The following GNAS-AS1 variants were observed in gnomAD, a reference collection of about 807,000 sequenced individuals.
GNAS-AS1 encodes GNAS antisense RNA 1 (non-protein coding).
At chr20:58,838,916 C>CA (rs766172876) in intron 4 of GNAS-AS1, 44,089 of 242,730 alleles carry the variant, frequency 0.18, 1,385 homozygotes, top group Non-Finnish European at 0.19. Context: ...GATTCTGTCT[C>CA]AAAAAAAAAA....
intron 4 of GNAS-AS1, among the ~76,000 whole-genome samples, chr20:58,830,321 TCATCATCACCACCAC>T (rs2085550074): frequency 1.1e-4 from 2 of 18,930 alleles, no homozygotes; most frequent in African/African-American, 2.2e-4. Flanking sequence ...CACCACACCA[TCATCATCACCACCAC>T]CATCACCACC....
At position 58,840,364 on chromosome 20, in the gene GNAS-AS1, C is replaced by G. The variant is rs375054629; in HGVS notation, n.819+1573G>C. 4.3e-6 allele frequency: 7 copies of G among 1,613,206 alleles called. No homozygotes were observed. Among genetic ancestry groups the G allele is most frequent in the Non-Finnish European group, 5.9e-6 (7 of 1,180,024 alleles). On this transcript the variant is annotated intron_variant and non_coding_transcript_variant, in intron 4 of 4. Transcript: ENST00000424094. The surrounding 1 kb of genome is among the most constrained non-coding windows in gnomAD (Gnocchi z 6.0). ...AGTCCCCCGAATCGGAATCTGACCACGAGCACGAGGAGGCAGACCTTGAGC... is the reference window on the plus strand; with the variant it reads ...AGTCCCCCGAATCGGAATCTGACCAGGAGCACGAGGAGGCAGACCTTGAGC...
rs745868121 is a variant in GNAS-AS1, at chr20:58,840,649, C to T, written n.819+1288G>A. On this transcript the variant is annotated intron_variant and non_coding_transcript_variant, in intron 4 of 4. Coordinates refer to ENST00000424094, the Ensembl canonical transcript of GNAS-AS1. This position sits in a 1 kb window ranked among gnomAD's most constrained non-coding sequence, Gnocchi z 6.0. Reference sequence around the variant, plus strand: ...CCTCCCCAAGTCGCGCGCCGCCCAGCACTCAGGAGCCCCAGAGCCCCAGGG... The same window carrying T: ...CCTCCCCAAGTCGCGCGCCGCCCAGTACTCAGGAGCCCCAGAGCCCCAGGG... 1 of 1,606,406 alleles carries T rather than the reference C, an allele frequency of 6.2e-7. No homozygotes were observed.
intron 4 of GNAS-AS1, among the ~76,000 whole-genome samples, chr20:58,837,506 G>A (rs141885289): frequency 2.6e-5 from 4 of 152,342 alleles, no homozygotes; most frequent in African/African-American, 4.8e-5. Flanking sequence ...GGTTTGACAA[G>A]TCAATCCTAC....
At chr20:58,819,534 G>A (rs2085471162) in intron 4 of GNAS-AS1, among the ~76,000 whole-genome samples, 1 of 152,174 alleles carries the variant, frequency 6.6e-6, no homozygotes, top group Non-Finnish European at 1.5e-5. Flanking sequence ...AGGTTTCAAT[G>A]AAATGGGTGT....
At chr20:58,839,454 T>C in intron 4 of GNAS-AS1, 1 of 400,174 alleles carries the variant, frequency 2.5e-6, no homozygotes, top group Non-Finnish European at 4.4e-6. Flanking sequence ...CTGGGGAAAC[T>C]GGGGAGGGGC....
intron 4 of GNAS-AS1, chr20:58,833,672 A>G (rs546380640): frequency 6.6e-6 from 1 of 152,090 alleles, no homozygotes; most frequent in Non-Finnish European, 1.5e-5. Flanking sequence ...CTGATTATCA[A>G]CTCGTCCAGA....
intron 2 of GNAS-AS1, among the ~76,000 whole-genome samples, chr20:58,844,510 G>A (rs988924393): frequency 2.6e-5 from 4 of 152,164 alleles, no homozygotes; most frequent in African/African-American, 9.7e-5. Flanking sequence ...AGCAGCCCAG[G>A]TTGCTTCTAG....
chr20:58,840,747 A>G lies in GNAS-AS1; in HGVS notation n.819+1190T>C. Reference sequence around the variant, plus strand: ...GAGTCGAAGGAGCCCAAGGAGGAGAAGCAGCGGCGTCGCTGCAAGCCAAAG... The same window carrying G: ...GAGTCGAAGGAGCCCAAGGAGGAGAGGCAGCGGCGTCGCTGCAAGCCAAAG... On this transcript the variant is annotated intron_variant and non_coding_transcript_variant, in intron 4 of 4. Coordinates refer to ENST00000424094, the Ensembl canonical transcript of GNAS-AS1. This position sits in a 1 kb window ranked among gnomAD's most constrained non-coding sequence, Gnocchi z 6.0. 2 of 1,605,986 alleles carry G rather than the reference A, an allele frequency of 1.2e-6. No individual in the cohort carries two copies. Among genetic ancestry groups the G allele is most frequent in the East Asian group, 4.5e-5 (2 of 44,814 alleles).
chr20:58,836,070 C>CG (rs1381473507), intron 4 of GNAS-AS1, among the ~76,000 whole-genome samples: 7 of 151,770 alleles, frequency 4.6e-5, no homozygotes, highest in East Asian at 1.9e-4. Flanking sequence ...AAAGTGGGGG[C>CG]GGGGGGGAGG....
In GNAS-AS1 at chr20:58,830,266, T is replaced by TCAC. The variant is rs1326281471; in HGVS notation, n.820-11014_820-11012dup. 3.2e-4 allele frequency among the ~76,000 whole-genome samples: 18 copies of TCAC among 55,984 alleles called. 1 individual carries two copies. Among genetic ancestry groups the TCAC allele is most frequent in the African/African-American group, 1.3e-3 (17 of 13,210 alleles). The allele number at this position is 55,984 out of a possible 152,430, so 36.7% of individuals were successfully genotyped here. ...CACCACCACCATCAACGCCACACCA[T>TCAC]CACCACCACCGCCACACCACCATCA... is the stretch of plus-strand genomic sequence containing the variant. On this transcript the variant is annotated intron_variant and non_coding_transcript_variant, in intron 4 of 4. Coordinates refer to ENST00000424094, the Ensembl canonical transcript of GNAS-AS1.
chr20:58,840,079 G>T lies in GNAS-AS1; in HGVS notation n.819+1858C>A. ...CACTCTCTGCAGAGCCAGAGGGCAG[G>T]CCGGCTTCTCGGTGTGTGCCTAAGA... On this transcript the variant is annotated intron_variant and non_coding_transcript_variant, in intron 4 of 4. Coordinates refer to ENST00000424094, the Ensembl canonical transcript of GNAS-AS1. The surrounding 1 kb of genome is among the most constrained non-coding windows in gnomAD (Gnocchi z 6.0). The T allele has an allele frequency of 6.2e-7, 1 of 1,608,236 alleles. No homozygotes were observed. The highest frequency in any genetic ancestry group is 8.5e-7 in the Non-Finnish European group (1 of 1,179,842).
chr20:58,829,089 C>A (rs1448795812), intron 4 of GNAS-AS1, among the ~76,000 whole-genome samples: 3 of 152,172 alleles, frequency 2.0e-5, no homozygotes, highest in Non-Finnish European at 4.4e-5. Flanking sequence ...CATGGCAGAA[C>A]TCATGGCCTC....
At chr20:58,850,336 T>A (rs1327316846) in intron 1 of GNAS-AS1, among the ~76,000 whole-genome samples, 1 of 152,216 alleles carries the variant, frequency 6.6e-6, no homozygotes, top group Non-Finnish European at 1.5e-5. Flanking sequence ...TGTGCTCCCC[T>A]GGCAAAGCTC....
In GNAS-AS1 at chr20:58,840,016, T is replaced by A; in HGVS notation, n.819+1921A>T. On this transcript the variant is annotated intron_variant and non_coding_transcript_variant, in intron 4 of 4. Transcript: ENST00000424094. This position sits in a 1 kb window ranked among gnomAD's most constrained non-coding sequence, Gnocchi z 6.0. ...GGCCAGCTTCTCACCTCATAGGGTG[T>A]ACCTTTCCCGGCTCCAGCAGCCAAT... 1.4e-6 allele frequency: 2 copies of A among 1,458,478 alleles called. No individual in the cohort carries two copies. The highest frequency in any genetic ancestry group is 1.9e-6 in the Non-Finnish European group (2 of 1,053,196). The allele number at this position is 1,458,478 out of a possible 1,614,324, so 90.3% of individuals were successfully genotyped here.
At chr20:58,849,067 C>A (rs1488077985) in intron 1 of GNAS-AS1, 1 of 393,102 alleles carries the variant, frequency 2.5e-6, no homozygotes, top group African/African-American at 2.1e-5. Flanking sequence ...TGATTTTCAA[C>A]TGGGGGAGAT....
chr20:58,832,655 A>G (rs566148298), intron 4 of GNAS-AS1, among the ~76,000 whole-genome samples: 1 of 152,324 alleles, frequency 6.6e-6, no homozygotes, highest in East Asian at 1.9e-4. Context: ...ACCACTAGCA[A>G]TTAAAACTAC....
At chr20:58,838,070 C>A (rs1339644785) in intron 4 of GNAS-AS1, among the ~76,000 whole-genome samples, 1 of 152,172 alleles carries the variant, frequency 6.6e-6, no homozygotes, top group Admixed American at 6.5e-5. Flanking sequence ...AGAAAAGGAC[C>A]ACAACCCATG....
At chr20:58,849,018 C>T (rs1207032196) in intron 1 of GNAS-AS1, 13 of 396,876 alleles carry the variant, frequency 3.3e-5, no homozygotes, top group Non-Finnish European at 4.4e-5. Flanking sequence ...TAAGGCAATT[C>T]CTATTTAAAT....
Sources: gnomAD v4.1 joint callset for allele counts (sites outside exome capture counted in the v4.1 genomes callset) on GRCh38, gnomAD v4.1.1 for gene constraint, Gnocchi (gnomAD v3.1) non-coding constraint, MANE v1.5 for transcripts, NCBI Gene and HGNC (gene_info 2026-07-23, HGNC 2026-07-21) for gene names.